Variants in NBEA observed in about 807,000 individuals in gnomAD.
NBEA encodes the protein lysosomal-trafficking regulator 2.
Under a neutral mutation model 343.4 loss-of-function variants are expected in NBEA, and 44 were observed. That is an observed-to-expected ratio of 0.13 (90% CI 0.10 to 0.16). The LOEUF (loss-of-function observed/expected upper bound fraction) is 0.16. Ranked by LOEUF, NBEA falls within the 10% of genes least tolerant of loss-of-function variation. NBEA has a pLI of 1.00. For missense variants in NBEA, 2,555 were observed against 3,631.3 expected (o/e 0.70, Z 7.62); for synonymous variants, 1,175 against 1,238.7 (o/e 0.95, Z 1.08).
Position 35,352,452 on chromosome 13 carries a change from A to G in NBEA, c.6179+129A>G, listed in dbSNP as rs111735568. On this transcript the variant is annotated intron_variant, in intron 38 of 58. Transcript: ENST00000379939. ...TTAAAATATAAAAAATTACTTGAAA[A>G]TTTTCCTGAAATCTTTAATAATTCT... The G allele has an allele frequency of 2.3e-3, 1,265 of 549,914 alleles. 16 individuals carry two copies. The highest frequency in any genetic ancestry group is 0.023 in the African/African-American group (1,174 of 51,112). The allele number at this position is 549,914 out of a possible 1,614,324, so 34.1% of individuals were successfully genotyped here. A position where few individuals can be genotyped will look rare whatever the true frequency, so the allele number is the denominator to read the frequency against.
intron 34 of NBEA, among the ~76,000 whole-genome samples, chr13:35,265,176 A>T (rs2033568504): frequency 6.6e-6 from 1 of 151,936 alleles, no homozygotes; most frequent in African/African-American, 2.4e-5. Context: ...GAATGTGTTT[A>T]AACAAGGAAG....
At chr13:35,595,888 T>C (rs1385736124) in intron 47 of NBEA, among the ~76,000 whole-genome samples, 3 of 150,684 alleles carry the variant, frequency 2.0e-5, no homozygotes, top group African/African-American at 7.3e-5. Flanking sequence ...TTAGTTTGCA[T>C]TTTTTTTTGA....
intron 30 of NBEA, among the ~76,000 whole-genome samples, chr13:35,188,208 A>G (rs1202481526): frequency 1.3e-5 from 2 of 151,448 alleles, no homozygotes; most frequent in Admixed American, 6.6e-5. Context: ...TTAGGGAATG[A>G]TTAAGTCAAG....
intron 1 of NBEA, among the ~76,000 whole-genome samples, chr13:35,033,435 A>T (rs1169487087): frequency 2.6e-5 from 4 of 151,790 alleles, no homozygotes; most frequent in Non-Finnish European, 5.9e-5. Flanking sequence ...AAGTCAGGTA[A>T]TGTGATTTCT....
rs1555361184 is a variant in NBEA at position 35,308,568 on chromosome 13, A to ATATATG, written c.5839-955_5839-954insGTATAT. On this transcript the variant is annotated intron_variant, in intron 35 of 58. Transcript: ENST00000379939. ...TATATATGTATATATGTATATATGT[A>ATATATG]TATATATGTATATATGTATATATGT... Among the ~76,000 whole-genome samples the ATATATG allele has an allele frequency of 7.8e-3, 683 of 87,266 alleles. 7 individuals carry two copies. The highest frequency in any genetic ancestry group is 0.016 in the South Asian group (44 of 2,736). The allele number at this position is 87,266 out of a possible 152,430, so 57.2% of individuals were successfully genotyped here.
At chr13:35,197,428 T>C (rs1344175968) in intron 31 of NBEA, among the ~76,000 whole-genome samples, 1 of 152,200 alleles carries the variant, frequency 6.6e-6, no homozygotes, top group Non-Finnish European at 1.5e-5. Flanking sequence ...TTGCTTTCTC[T>C]AAAGTAGCCA....
chr13:35,450,199 G>T (rs979438933), intron 39 of NBEA, among the ~76,000 whole-genome samples: 6 of 152,142 alleles, frequency 3.9e-5, no homozygotes, highest in African/African-American at 1.4e-4. Context: ...TTGAGGCTGG[G>T]CACAGTGGCT....
intron 1 of NBEA, among the ~76,000 whole-genome samples, chr13:34,946,966 G>T (rs914060432): frequency 6.6e-6 from 1 of 151,282 alleles, no homozygotes; most frequent in South Asian, 2.1e-4. Context: ...TACAAACAAG[G>T]TGTCTTCTGC....
At chr13:35,052,967 G>T (rs558958671) in intron 6 of NBEA, among the ~76,000 whole-genome samples, 1 of 151,968 alleles carries the variant, frequency 6.6e-6, no homozygotes, top group South Asian at 2.1e-4. Context: ...TCCCATCTTA[G>T]ACTCCCCTTT....
intron 47 of NBEA, among the ~76,000 whole-genome samples, chr13:35,594,260 G>A (rs1351175218): frequency 9.9e-5 from 15 of 151,714 alleles, no homozygotes; most frequent in African/African-American, 2.7e-4. Flanking sequence ...AAAATGTTAC[G>A]GTATCATTCC....
intron 45 of NBEA, among the ~76,000 whole-genome samples, chr13:35,573,919 A>G (rs1403665368): frequency 6.6e-6 from 1 of 152,192 alleles, no homozygotes; most frequent in Non-Finnish European, 1.5e-5. Context: ...CAGCTGAAAC[A>G]AAATATTAAG....
At chr13:35,094,001 TATA>T (rs575084571) in intron 10 of NBEA, among the ~76,000 whole-genome samples, 53 of 151,964 alleles carry the variant, frequency 3.5e-4, no homozygotes, top group South Asian at 2.7e-3. Flanking sequence ...ATAAGAGATT[TATA>T]ATGATTTTTT....
intron 25 of NBEA, among the ~76,000 whole-genome samples, chr13:35,170,031 T>C (rs1187125562): frequency 6.6e-6 from 1 of 151,838 alleles, no homozygotes; most frequent in African/African-American, 2.4e-5. Flanking sequence ...GAAGGAGGAA[T>C]GGTTGTTACA....
At chr13:35,419,714 C>G (rs1452994300) in intron 38 of NBEA, among the ~76,000 whole-genome samples, 1 of 151,680 alleles carries the variant, frequency 6.6e-6, no homozygotes, top group Non-Finnish European at 1.5e-5. Context: ...TTAATATCTA[C>G]CCCCACCCCC....
intron 34 of NBEA, chr13:35,251,718 A>T (rs1389116989): frequency 3.2e-6 from 1 of 315,336 alleles, no homozygotes; most frequent in Non-Finnish European, 5.5e-6. Context: ...GTGCCCGGGG[A>T]TGACTACCCG....
chr13:35,291,869 C>G (rs1047030536), intron 35 of NBEA, among the ~76,000 whole-genome samples: 6 of 151,884 alleles, frequency 4.0e-5, no homozygotes, highest in African/African-American at 1.4e-4. Context: ...AATTTAAGCT[C>G]TCTATGCAGT....
chr13:34,951,193 A>T (rs938477696), intron 1 of NBEA, among the ~76,000 whole-genome samples: 1 of 126,952 alleles, frequency 7.9e-6, no homozygotes, highest in Non-Finnish European at 1.8e-5. Context: ...GTGTATTTTT[A>T]TGATATAACA....
intron 41 of NBEA, among the ~76,000 whole-genome samples, chr13:35,519,828 A>G (rs1446701983): frequency 6.6e-6 from 1 of 152,192 alleles, no homozygotes; most frequent in Non-Finnish European, 1.5e-5. Context: ...ATTGTTATTA[A>G]CTATAGTTAC....
intron 36 of NBEA, among the ~76,000 whole-genome samples, chr13:35,337,706 G>A (rs2039346832): frequency 6.6e-6 from 1 of 151,990 alleles, no homozygotes; most frequent in Admixed American, 6.6e-5. Flanking sequence ...ACATTCTGTA[G>A]GACAGACCAT....
Sources: allele counts gnomAD v4.1 joint callset (sites outside exome capture counted in the v4.1 genomes callset), GRCh38; gene constraint gnomAD v4.1.1; transcripts MANE v1.5; gene names NCBI Gene and HGNC (gene_info 2026-07-23, HGNC 2026-07-21).